Variants in RAVER1 observed in about 807,000 individuals in gnomAD.
RAVER1 encodes the protein ribonucleoprotein PTB-binding 1.
In RAVER1, 36 loss-of-function variants were observed where a neutral mutation model predicts 68.4. That is an observed-to-expected ratio of 0.53 (90% CI 0.40 to 0.70). The LOEUF is 0.70. Among genes scored for constraint, RAVER1 ranks in the 30% least tolerant of loss-of-function variants. The pLI, the probability that RAVER1 is intolerant of heterozygous loss-of-function variation, is 0.00. For synonymous variants in RAVER1, 469 were observed against 472.7 expected, an observed-to-expected ratio of 0.99 and a Z score of 0.10; for missense variants, 933 against 1,019.8, an observed-to-expected ratio of 0.91 and a Z score of 1.16.
rs777938066 is a variant in RAVER1, at chr19:10,317,811, G to T, written c.1990-38C>A. 2 of 1,271,104 alleles carry T rather than the reference G, an allele frequency of 1.6e-6. No homozygotes were observed. The highest frequency in any genetic ancestry group is 1.3e-5 in the South Asian group (1 of 78,874). The allele number at this position is 1,271,104 out of a possible 1,614,324, so 78.7% of individuals were successfully genotyped here. On this transcript the variant is annotated intron_variant, in intron 11 of 12. Transcript: ENST00000617231. The surrounding 1 kb of genome is among the most constrained non-coding windows in gnomAD (Gnocchi z 4.3). ...GAGAGGTGGAACAGGTCACTCCCTG[G>T]GGGCCAGAGGAAGCACCCACCCCGC...
chr19:10,328,585 C>A lies in RAVER1; in HGVS notation c.756+57G>T. Reference sequence around the variant, plus strand: ...AAGAAAAGGCAGATGACTCCAAAGACTCTCTCAGGTGCTCCGGGCCTGGCA... The same window carrying A: ...AAGAAAAGGCAGATGACTCCAAAGAATCTCTCAGGTGCTCCGGGCCTGGCA... On this transcript the variant is annotated intron_variant, in intron 3 of 12. Transcript: ENST00000617231. This position sits in a 1 kb window ranked among gnomAD's most constrained non-coding sequence, Gnocchi z 4.4. 2 of 1,170,574 alleles carry A rather than the reference C, an allele frequency of 1.7e-6. No homozygotes were observed. The highest frequency in any genetic ancestry group is 1.5e-5 in the South Asian group (1 of 67,726). The allele number at this position is 1,170,574 out of a possible 1,614,324, so 72.5% of individuals were successfully genotyped here.
In RAVER1 at chr19:10,322,584, C is replaced by T. The variant is rs1015690639; in HGVS notation, c.1173+61G>A. On this transcript the variant is annotated intron_variant, in intron 6 of 12. Transcript: ENST00000617231. This position sits in a 1 kb window ranked among gnomAD's most constrained non-coding sequence, Gnocchi z 4.3. ...CCCCCCACCCCACCGATCGCACCAGCTGTGTTGAAAAGAGCCTGTAGGGGC... is the reference window on the plus strand; with the variant it reads ...CCCCCCACCCCACCGATCGCACCAGTTGTGTTGAAAAGAGCCTGTAGGGGC... The T allele has an allele frequency of 1.5e-5, 18 of 1,213,898 alleles. No individual in the cohort carries two copies. Among genetic ancestry groups the T allele is most frequent in the Non-Finnish European group, 1.5e-5 (13 of 881,258 alleles). 75.2% of individuals were successfully genotyped at this position (1,213,898 alleles called of 1,614,324 possible).
In RAVER1 at chr19:10,317,598, G is replaced by C. The variant is rs772436486; in HGVS notation, c.2076C>G (p.Thr692=). The C allele has an allele frequency of 2.9e-5, 46 of 1,607,686 alleles. No homozygotes were observed. Among genetic ancestry groups the C allele is most frequent in the Non-Finnish European group, 3.7e-5 (43 of 1,177,634 alleles). The change falls in exon 13 of 13, where the codon ACC becomes ACG. Residue 692 remains threonine (T), a splice_region_variant and synonymous_variant. Transcript: ENST00000617231. This position sits in a 1 kb window ranked among gnomAD's most constrained non-coding sequence, Gnocchi z 4.3. ...GPNGHSHLLK[T]PLGGQKRSFA... ...AGCTGCGTTTCTGGCCGCCCAGTGG[G>C]GTCTGGAGACAGAGGGCAGGGCGGG...
Position 10,322,812 on chromosome 19 carries a change from G to T in RAVER1, c.1079-73C>A. 1.1e-6 allele frequency: 1 copy of T among 910,822 alleles called. No homozygotes were observed. 56.4% of individuals were successfully genotyped at this position (910,822 alleles called of 1,614,324 possible). On this transcript the variant is annotated intron_variant, in intron 5 of 12. Coordinates refer to ENST00000617231, the MANE Select transcript of RAVER1 (RefSeq NM_133452.3). This position sits in a 1 kb window ranked among gnomAD's most constrained non-coding sequence, Gnocchi z 4.3. Reference sequence around the variant, plus strand: ...GCCCCACCTCACGAAACACAGCCCTGAACCCATTGATGGGGCAGGAAACTG... The same window carrying T: ...GCCCCACCTCACGAAACACAGCCCTTAACCCATTGATGGGGCAGGAAACTG...
At chr19:10,330,087 C>G (rs2040502577) in intron 2 of RAVER1, among the ~76,000 whole-genome samples, 1 of 150,098 alleles carries the variant, frequency 6.7e-6, no homozygotes, top group South Asian at 2.1e-4. Context: ...CGCGCCACTG[C>G]ACTCCAGCCT....
Position 10,320,648 on chromosome 19 carries a change from C to T in RAVER1, c.1770+7G>A, listed in dbSNP as rs374809748. The T allele has an allele frequency of 8.1e-5, 125 of 1,547,892 alleles. No homozygotes were observed. The highest frequency in any genetic ancestry group is 1.0e-4 in the Non-Finnish European group (120 of 1,149,474). On this transcript the variant is annotated splice_region_variant and intron_variant, in intron 9 of 12. Transcript: ENST00000617231. ...TAGGGGACAGAGAGCTGCAGCCAGG[C>T]ACTCACCGAGGGGTAGTCGAAGCTG...
chr19:10,329,323 C>T lies in RAVER1; in HGVS notation c.287-212G>A, dbSNP rs1348412772. 3.3e-5 allele frequency among the ~76,000 whole-genome samples: 5 copies of T among 152,240 alleles called. No individual in the cohort carries two copies. Among genetic ancestry groups the T allele is most frequent in the Admixed American group, 2.0e-4 (3 of 15,292 alleles). ...AAGCCCACTCCCTCTCCCAGCCCTG[C>T]GTCCACCTGCACCCACAGCAGCGCT... On this transcript the variant is annotated intron_variant, in intron 2 of 12. Transcript: ENST00000617231. This position sits in a 1 kb window ranked among gnomAD's most constrained non-coding sequence, Gnocchi z 4.6.
In RAVER1 at chr19:10,333,460, C is replaced by T. The variant is rs758475725; in HGVS notation, c.48G>A (p.Lys16=). ...SVTHRPPLSP[K]SGAEVEAGDA... ...CGCCGGCTTCGACTTCGGCCCCAGACTTAGGGCTCAGCGGGGGCCGGTGAG... is the reference window on the plus strand; with the variant it reads ...CGCCGGCTTCGACTTCGGCCCCAGATTTAGGGCTCAGCGGGGGCCGGTGAG... The change falls in exon 1 of 13, where the codon AAG becomes AAA. Residue 16 remains lysine (K), a synonymous_variant. Transcript: ENST00000617231. The surrounding 1 kb of genome is among the most constrained non-coding windows in gnomAD (Gnocchi z 4.2). 28 of 1,611,984 alleles carry T rather than the reference C, an allele frequency of 1.7e-5. No homozygotes were observed. In the East Asian group the frequency reaches 6.2e-4, roughly 36 times the overall value.
rs774227342 is a variant in RAVER1 at position 10,317,751 on chromosome 19, C to G, written c.2012G>C (p.Gly671Ala). 6.3e-7 allele frequency: 1 copy of G among 1,593,484 alleles called. No homozygotes were observed. The highest frequency in any genetic ancestry group is 1.1e-5 in the South Asian group (1 of 88,176). Residue 671 changes from glycine (G) to alanine (A), a missense_variant, in exon 12 of 13, where the codon GGG becomes GCG. Gly to Ala is a moderately conservative substitution (Grantham distance 60, BLOSUM62 0). This residue lies in a region of RAVER1 where 699 missense variants were observed against 731.1 expected (regional missense o/e 0.96). Coordinates refer to ENST00000617231, the MANE Select transcript of RAVER1 (RefSeq NM_133452.3). The surrounding 1 kb of genome is among the most constrained non-coding windows in gnomAD (Gnocchi z 4.3). ...GAGGCCCAGGAGCCCTTCTCCGGAC[C>G]CCAGCGGGGAAGAGCCGATTGCCTG... ...LSKAIGSSPL[G>A]SGEGLLGLSP... is the part of the protein sequence containing the mutation.
intron 9 of RAVER1, among the ~76,000 whole-genome samples, chr19:10,320,348 T>A (rs1438795870): frequency 6.6e-6 from 1 of 151,110 alleles, no homozygotes. Flanking sequence ...TACCACAAAT[T>A]TAAAAATTAG....
rs1208080135 is a variant in RAVER1, at chr19:10,319,170, T to C, written c.1841A>G (p.His614Arg). 30 of 1,613,698 alleles carry C rather than the reference T, an allele frequency of 1.9e-5. No individual in the cohort carries two copies. The highest frequency in any genetic ancestry group is 2.2e-5 in the Non-Finnish European group (26 of 1,179,746). The change falls in exon 10 of 13, where the codon CAC (histidine) becomes CGC (arginine). Residue 614 changes from histidine (H) to arginine (R), a missense_variant. Coordinates refer to ENST00000617231, the MANE Select transcript of RAVER1 (RefSeq NM_133452.3). ...GCCATACCAGGTGGCTCTTACCTTG[T>C]GTCGGCTGGGTCCGTGAGGCCCAAG... ...PALGPHGPSRHKMSPPPSGFG... is the reference protein window; with the variant it reads ...PALGPHGPSRRKMSPPPSGFG...
rs529173426 is a variant in RAVER1, at chr19:10,317,172, G to A, written c.*282C>T. On this transcript the variant is annotated 3_prime_UTR_variant, in exon 13 of 13. Coordinates refer to ENST00000617231, the MANE Select transcript of RAVER1 (RefSeq NM_133452.3). The surrounding 1 kb of genome is among the most constrained non-coding windows in gnomAD (Gnocchi z 4.3). ...AGGGCTCCGGAGAGACGGGCACAGC[G>A]GAGGAGGAGATGGGGGGAGGGAGGG... is the stretch of plus-strand genomic sequence containing the variant. 5.7e-4 allele frequency: 275 copies of A among 486,214 alleles called. 2 individuals carry two copies. The highest frequency in any genetic ancestry group is 2.3e-3 in the African/African-American group (116 of 50,124). The allele number at this position is 486,214 out of a possible 1,614,324, so 30.1% of individuals were successfully genotyped here.
chr19:10,328,221 C>T lies in RAVER1; in HGVS notation c.756+421G>A, dbSNP rs1264906556. Among the ~76,000 whole-genome samples the T allele has an allele frequency of 1.3e-5, 2 of 152,128 alleles. No individual in the cohort carries two copies. Among genetic ancestry groups the T allele is most frequent in the Non-Finnish European group, 2.9e-5 (2 of 68,024 alleles). Reference sequence around the variant, plus strand: ...CGAGATCCATAGTTACAAGAGTGGCCTTGCATGCATCTGATAGAGGGACAG... The same window carrying T: ...CGAGATCCATAGTTACAAGAGTGGCTTTGCATGCATCTGATAGAGGGACAG... On this transcript the variant is annotated intron_variant, in intron 3 of 12. Coordinates refer to ENST00000617231, the MANE Select transcript of RAVER1 (RefSeq NM_133452.3). This position sits in a 1 kb window ranked among gnomAD's most constrained non-coding sequence, Gnocchi z 4.4.
chr19:10,321,424 G>A, intron 7 of RAVER1, 107 bp downstream of exon 7: 1 of 1,005,158 alleles, frequency 9.9e-7, no homozygotes, highest in Non-Finnish European at 1.3e-6. Context: ...CCCAACTGAT[G>A]GACAAGGGCG....
chr19:10,317,775 TG>T lies in RAVER1; in HGVS notation c.1990-3del. ...CCCCAGCGGGGAAGAGCCGATTGCCTGGGAGAAATGGAGAGGTGGAACAGGT... is the reference window on the plus strand; with the variant it reads ...CCCCAGCGGGGAAGAGCCGATTGCCTGGAGAAATGGAGAGGTGGAACAGGT... On this transcript the variant is annotated splice_region_variant and splice_polypyrimidine_tract_variant and intron_variant, in intron 11 of 12. Transcript: ENST00000617231. This position sits in a 1 kb window ranked among gnomAD's most constrained non-coding sequence, Gnocchi z 4.3. The T allele has an allele frequency of 6.4e-7, 1 of 1,562,426 alleles. No individual in the cohort carries two copies. The highest frequency in any genetic ancestry group is 8.7e-7 in the Non-Finnish European group (1 of 1,146,306).
In RAVER1 at chr19:10,329,358, TG is replaced by T. The variant is rs2040498124; in HGVS notation, c.287-248del. On this transcript the variant is annotated intron_variant, in intron 2 of 12. Coordinates refer to ENST00000617231, the MANE Select transcript of RAVER1 (RefSeq NM_133452.3). The surrounding 1 kb of genome is among the most constrained non-coding windows in gnomAD (Gnocchi z 4.6). ...CACCCACAGCAGCGCTCACCAACTG[TG>T]GGCCTGGCTCTGTCCTAAGAACGCT... 6.6e-6 allele frequency among the ~76,000 whole-genome samples: 1 copy of T among 152,176 alleles called. No homozygotes were observed. The highest frequency in any genetic ancestry group is 1.5e-5 in the Non-Finnish European group (1 of 68,020).
In RAVER1 at chr19:10,333,291, G is replaced by A. The variant is rs1201857348; in HGVS notation, c.217C>T (p.Gln73Ter). 6.2e-7 allele frequency: 1 copy of A among 1,613,338 alleles called. No homozygotes were observed. The highest frequency in any genetic ancestry group is 8.5e-7 in the Non-Finnish European group (1 of 1,179,490). ...TCCTACACCGCCCCCCCCAATACCTGGTTGGTCACGTCCCCCGGGAGGCCC... is the reference window on the plus strand; with the variant it reads ...TCCTACACCGCCCCCCCCAATACCTAGTTGGTCACGTCCCCCGGGAGGCCC... ...IRGLPGDVTN[Q>*]EVHDLLSDYE... Residue 73 changes from glutamine to a stop codon, truncating the protein, a stop_gained and splice_region_variant, in exon 1 of 13, where the codon CAG becomes TAG. Transcript: ENST00000617231. LOFTEE classifies it high-confidence loss of function. The surrounding 1 kb of genome is among the most constrained non-coding windows in gnomAD (Gnocchi z 4.2).
chr19:10,318,414 T>C, intron 10 of RAVER1, 42 bp from the exon 11 acceptor site: 1 of 1,460,744 alleles, frequency 6.8e-7, no homozygotes, highest in Non-Finnish European at 9.3e-7. Context: ...ACAATTGTAG[T>C]ACCCAGCCCT....
At chr19:10,326,314 C>T (rs1336929945) in intron 3 of RAVER1, among the ~76,000 whole-genome samples, 1 of 152,250 alleles carries the variant, frequency 6.6e-6, no homozygotes. Flanking sequence ...CATCTTCTGT[C>T]CTGAGCCCGC....
Sources: allele counts gnomAD v4.1 joint callset (sites outside exome capture counted in the v4.1 genomes callset), GRCh38; gene constraint gnomAD v4.1.1; regional missense constraint gnomAD v4.1.1; non-coding constraint Gnocchi (gnomAD v3.1); transcripts MANE v1.5; gene names NCBI Gene and HGNC (gene_info 2026-07-23, HGNC 2026-07-21).